Variants in PLIN3 observed in about 807,000 individuals in gnomAD.
The protein encoded by PLIN3 is perilipin-3.
Under a neutral mutation model 35.9 loss-of-function variants are expected in PLIN3, and 30 were observed. That is an observed-to-expected ratio of 0.84 (90% CI 0.62 to 1.13). The LOEUF (loss-of-function observed/expected upper bound fraction) is 1.13, where lower values mean the gene tolerates loss of function less well. PLIN3 is among the 50% of genes most tolerant of loss of function. The pLI is 0.00. For synonymous variants in PLIN3, 261 were observed against 262.5 expected (o/e 0.99, Z 0.06); for missense variants, 603 against 596.9 (o/e 1.01, Z -0.11).
At chr19:4,856,450 C>T (rs2030478761) in intron 4 of PLIN3, among the ~76,000 whole-genome samples, 1 of 151,748 alleles carries the variant, frequency 6.6e-6, no homozygotes, top group African/African-American at 2.4e-5. Flanking sequence ...CCCAGCTACT[C>T]GGGAGGCTGA....
At position 4,839,426 on chromosome 19, in the gene PLIN3, G is replaced by T. The variant is rs780667322; in HGVS notation, c.1071C>A (p.Asp357Glu). Reference sequence around the variant, plus strand: ...CCTGGCGGCGGGCCTGCTGCACCTGGTCCTTCACATTGGTGGGGAGGCCCT... The same window carrying T: ...CCTGGCGGCGGGCCTGCTGCACCTGTTCCTTCACATTGGTGGGGAGGCCCT... ...SIQGLPTNVK[D>E]QVQQARRQVE... The change falls in exon 8 of 8, where the codon GAC becomes GAA. Residue 357 changes from aspartate (D) to glutamate (E), a missense_variant. Physicochemically the swap from Asp to Glu is conservative, Grantham distance 45 (BLOSUM62 2). Coordinates refer to ENST00000221957, the MANE Select transcript of PLIN3 (RefSeq NM_005817.5). 7 of 1,605,464 alleles carry T rather than the reference G, an allele frequency of 4.4e-6. No homozygotes were observed. The East Asian group carries it at 1.3e-4, about 31-fold the overall frequency.
Position 4,839,326 on chromosome 19 carries a change from G to A in PLIN3, c.1171C>T (p.Arg391Cys), listed in dbSNP as rs780194423. 28 of 1,613,834 alleles carry A rather than the reference G, an allele frequency of 1.7e-5. No individual in the cohort carries two copies. Among genetic ancestry groups the A allele is most frequent in the South Asian group, 3.3e-5 (3 of 91,080 alleles). Residue 391 changes from arginine to cysteine, a missense_variant, in exon 8 of 8, where the codon CGT becomes TGT. Physicochemically the swap from Arg to Cys is radical, Grantham distance 180 (BLOSUM62 -3). Transcript: ENST00000221957. ...TCGCGGGCGCTGGCGACACGCTCAC[G>A]GCTCTGGGCCAGAATGCTGCTGGAC... Reference protein sequence around the residue: ...DLSSSILAQSRERVASAREAL... With the variant: ...DLSSSILAQSCERVASAREAL...
intron 2 of PLIN3, among the ~76,000 whole-genome samples, 188 bp downstream of exon 2, chr19:4,861,141 C>T (rs1052592861): frequency 6.6e-6 from 1 of 152,124 alleles, no homozygotes; most frequent in Non-Finnish European, 1.5e-5. Context: ...CTCCAAGGGC[C>T]TTTGAGATTC....
intron 5 of PLIN3, among the ~76,000 whole-genome samples, chr19:4,851,494 A>G (rs1288175182): frequency 6.6e-6 from 1 of 151,996 alleles, no homozygotes; most frequent in African/African-American, 2.4e-5. Flanking sequence ...TTAAAGAAGA[A>G]TATCAAATAA....
chr19:4,864,298 G>A (rs1410605824), intron 1 of PLIN3, among the ~76,000 whole-genome samples: 2 of 151,424 alleles, frequency 1.3e-5, no homozygotes, highest in Non-Finnish European at 2.9e-5. Context: ...GATTACAGGT[G>A]TGCACCACGT....
chr19:4,859,523 G>A (rs2030592796), intron 4 of PLIN3, 67 bp downstream of exon 4: 2 of 1,344,202 alleles, frequency 1.5e-6, no homozygotes, highest in Admixed American at 1.7e-5. Context: ...GTTAAGCTGG[G>A]ACCAGCGCAC....
At chr19:4,858,373 GT>G (rs879415806) in intron 4 of PLIN3, among the ~76,000 whole-genome samples, 2 of 150,706 alleles carry the variant, frequency 1.3e-5, no homozygotes, top group Non-Finnish European at 3.0e-5. Flanking sequence ...GGAACATGGT[GT>G]TTTTTTTGTT....
At position 4,839,305 on chromosome 19, in the gene PLIN3, G is replaced by A. The variant is rs552438963; in HGVS notation, c.1192C>T (p.Arg398Cys). ...TCCACCATGTGGTCCAGGGCCTCGCGGGCGCTGGCGACACGCTCACGGCTC... is the reference window on the plus strand; with the variant it reads ...TCCACCATGTGGTCCAGGGCCTCGCAGGCGCTGGCGACACGCTCACGGCTC... The part of the protein sequence containing the change: ...AQSRERVASA[R>C]EALDHMVEYV... Residue 398 changes from arginine (R) to cysteine (C), a missense_variant, in exon 8 of 8, where the codon CGC becomes TGC. Coordinates refer to ENST00000221957, the MANE Select transcript of PLIN3 (RefSeq NM_005817.5). The A allele has an allele frequency of 6.9e-5, 112 of 1,614,000 alleles. 1 individual carries two copies. In the South Asian group the frequency reaches 1.0e-3, roughly 15 times the overall value.
chr19:4,843,232 T>C (rs12608908), intron 7 of PLIN3, among the ~76,000 whole-genome samples: 35,848 of 135,988 alleles, frequency 0.26, 4,599 homozygotes, highest in East Asian at 0.58. Context: ...ATAGGCAGGG[T>C]GCGGTGGCTC....
At chr19:4,857,241 C>T (rs912774721) in intron 4 of PLIN3, among the ~76,000 whole-genome samples, 2 of 151,830 alleles carry the variant, frequency 1.3e-5, no homozygotes, top group African/African-American at 2.4e-5. Flanking sequence ...AGTTGGAGAC[C>T]GGCCTGGGCA....
rs1323487067 is a variant in PLIN3 at position 4,852,017 on chromosome 19, C to A, written c.633G>T (p.Leu211=). ...GAGCAGCCCGCTGGCCACACTTACC[C>A]AGTTCGGCATCCGTAAGGGGCAGGT... ...DNHLPLTDAE[L]ARIATSLDGF... is the part of the protein sequence containing the mutation. Residue 211 remains leucine, a splice_region_variant and synonymous_variant, in exon 5 of 8, where the codon CTG becomes CTT. Transcript: ENST00000221957. 13 of 1,612,868 alleles carry A rather than the reference C, an allele frequency of 8.1e-6. No individual in the cohort carries two copies. Among genetic ancestry groups the A allele is most frequent in the Non-Finnish European group, 1.1e-5 (13 of 1,179,372 alleles).
chr19:4,844,117 A>G (rs1272409388), intron 7 of PLIN3, among the ~76,000 whole-genome samples: 1 of 152,008 alleles, frequency 6.6e-6, no homozygotes, highest in African/African-American at 2.4e-5. Context: ...TAGAGAACAC[A>G]AGAGGCCAAG....
intron 1 of PLIN3, among the ~76,000 whole-genome samples, chr19:4,864,364 T>C (rs1374045587): frequency 6.6e-6 from 1 of 151,858 alleles, no homozygotes; most frequent in African/African-American, 2.4e-5. Flanking sequence ...TTGGTCAGGC[T>C]GGTCTTGAAC....
chr19:4,858,503 G>A (rs1469622504), intron 4 of PLIN3, among the ~76,000 whole-genome samples: 7 of 150,558 alleles, frequency 4.6e-5, no homozygotes, highest in Admixed American at 2.7e-4. Flanking sequence ...TCAGCCTCCC[G>A]AGTAACTAGG....
chr19:4,840,946 A>G (rs1332674670), intron 7 of PLIN3, among the ~76,000 whole-genome samples: 1 of 152,158 alleles, frequency 6.6e-6, no homozygotes, highest in Non-Finnish European at 1.5e-5. Context: ...CTCTGTCTCA[A>G]AAACAAACAA....
intron 7 of PLIN3, among the ~76,000 whole-genome samples, chr19:4,841,111 G>A (rs569589694): frequency 1.6e-3 from 243 of 152,246 alleles, no homozygotes; most frequent in Non-Finnish European, 1.2e-3. Flanking sequence ...CATATGACTC[G>A]GCAATTCTAG....
At chr19:4,854,834 G>A (rs2030420057) in intron 4 of PLIN3, among the ~76,000 whole-genome samples, 1 of 152,066 alleles carries the variant, frequency 6.6e-6, no homozygotes, top group Non-Finnish European at 1.5e-5. Flanking sequence ...CTCACAGCAG[G>A]CCAGGCACGG....
In PLIN3 at chr19:4,852,009, C is replaced by A. The variant is rs747302672; in HGVS notation, c.634+7G>T. On this transcript the variant is annotated splice_region_variant and intron_variant, in intron 5 of 7. Transcript: ENST00000221957. ...GGGTCCCAGAGCAGCCCGCTGGCCA[C>A]ACTTACCCAGTTCGGCATCCGTAAG... 1.9e-6 allele frequency: 3 copies of A among 1,612,098 alleles called. No individual in the cohort carries two copies.
At chr19:4,861,452 C>T in intron 1 of PLIN3, 41 bp from the exon 2 acceptor site, 1 of 1,456,986 alleles carries the variant, frequency 6.9e-7, no homozygotes, top group South Asian at 1.1e-5. Context: ...TGCCTGGCCC[C>T]ACCTTCCAGG....
Sources: gnomAD v4.1 joint callset for allele counts (sites outside exome capture counted in the v4.1 genomes callset) on GRCh38, gnomAD v4.1.1 for gene constraint, MANE v1.5 for transcripts, NCBI Gene and HGNC (gene_info 2026-07-23, HGNC 2026-07-21) for gene names.